The following RAB1A variants were observed in gnomAD, a reference collection of about 807,000 sequenced individuals.
The protein encoded by RAB1A is ras-related protein Rab-1A.
A neutral mutation model predicts 26.0 loss-of-function variants in RAB1A; 2 were observed. The ratio of observed to expected loss-of-function variants is 0.08; its 90% CI spans 0.03 to 0.24. The LOEUF is 0.24. Among genes scored for constraint, RAB1A ranks in the 10% least tolerant of loss-of-function variants. RAB1A has a pLI of 1.00. For missense variants in RAB1A, 100 were observed against 247.0 expected, an observed-to-expected ratio of 0.40 and a Z score of 3.99; for synonymous variants, 84 against 84.9, an observed-to-expected ratio of 0.99 and a Z score of 0.06.
chr2:65,093,408 A>G (rs895821097), intron 3 of RAB1A, among the ~76,000 whole-genome samples: 1 of 152,154 alleles, frequency 6.6e-6, no homozygotes, highest in Non-Finnish European at 1.5e-5. Context: ...GTACAACTGG[A>G]CTCAGTACCT....
intron 1 of RAB1A, among the ~76,000 whole-genome samples, chr2:65,123,690 G>T (rs1182731766): frequency 2.0e-5 from 3 of 151,866 alleles, no homozygotes; most frequent in Non-Finnish European, 4.4e-5. Flanking sequence ...GCCGGGTGTG[G>T]TGGCACACAC....
intron 4 of RAB1A, among the ~76,000 whole-genome samples, chr2:65,090,318 A>G (rs1305489133): frequency 6.6e-6 from 1 of 152,180 alleles, no homozygotes; most frequent in Non-Finnish European, 1.5e-5. Context: ...AATAAATTCC[A>G]ATTTTGAACG....
chr2:65,088,881 A>C, intron 5 of RAB1A, 58 bp downstream of exon 5: 1 of 1,519,990 alleles, frequency 6.6e-7, no homozygotes. Flanking sequence ...GTTACTGCAG[A>C]ACCCATACAT....
At chr2:65,088,870 T>C in intron 5 of RAB1A, 69 bp downstream of exon 5, 1 of 1,467,470 alleles carries the variant, frequency 6.8e-7, no homozygotes, top group Non-Finnish European at 9.2e-7. Flanking sequence ...GTGGCCTTAC[T>C]GTTACTGCAG....
chr2:65,118,116 G>A (rs922140459), intron 1 of RAB1A, among the ~76,000 whole-genome samples: 1 of 152,136 alleles, frequency 6.6e-6, no homozygotes, highest in East Asian at 1.9e-4. Context: ...CTGTCTGGTG[G>A]GAACTCAGTG....
chr2:65,102,579 C>T (rs1006792108), intron 2 of RAB1A, among the ~76,000 whole-genome samples: 3 of 150,678 alleles, frequency 2.0e-5, no homozygotes, highest in African/African-American at 7.3e-5. Flanking sequence ...GAAAATCTGT[C>T]AAATAGCCAA....
intron 3 of RAB1A, among the ~76,000 whole-genome samples, chr2:65,097,205 T>A (rs561698689): frequency 6.6e-6 from 1 of 152,198 alleles, no homozygotes; most frequent in South Asian, 2.1e-4. Context: ...CTCTGAAAAA[T>A]ACTGAGAGAT....
chr2:65,117,903 T>C (rs549808496), intron 1 of RAB1A, among the ~76,000 whole-genome samples: 16 of 152,166 alleles, frequency 1.1e-4, no homozygotes, highest in Non-Finnish European at 4.4e-5. Flanking sequence ...TAAGCACATG[T>C]AGTAAAGCAG....
chr2:65,120,749 A>C (rs1312514677), intron 1 of RAB1A, among the ~76,000 whole-genome samples: 1 of 152,200 alleles, frequency 6.6e-6, no homozygotes, highest in Non-Finnish European at 1.5e-5. Context: ...GTTAAATGTA[A>C]CAGTCCCAAA....
intron 1 of RAB1A, among the ~76,000 whole-genome samples, chr2:65,122,319 A>T (rs1315660892): frequency 6.6e-6 from 1 of 151,258 alleles, no homozygotes; most frequent in Non-Finnish European, 1.5e-5. Context: ...AAGCTGAGGC[A>T]GGTGGATCTC....
chr2:65,106,695 T>C (rs886465296), intron 1 of RAB1A, among the ~76,000 whole-genome samples: 5 of 45,278 alleles, frequency 1.1e-4, no homozygotes, highest in Admixed American at 9.3e-4. Flanking sequence ...GACTGAAGCA[T>C]AGAATGAACT....
rs1669074043 is a variant in RAB1A at position 65,087,933 on chromosome 2, A to T, written c.*560T>A. Reference sequence around the variant, plus strand: ...CATATCTTCAGTTGTTTTGTTACATAGTGTGCAACAAATTACAATATTCTG... The same window carrying T: ...CATATCTTCAGTTGTTTTGTTACATTGTGTGCAACAAATTACAATATTCTG... On this transcript the variant is annotated 3_prime_UTR_variant, in exon 6 of 6. Transcript: ENST00000409784. 1 of 152,786 alleles carries T rather than the reference A, an allele frequency of 6.5e-6. No homozygotes were observed. Among genetic ancestry groups the T allele is most frequent in the Admixed American group, 6.5e-5 (1 of 15,298 alleles). The allele number at this position is 152,786 out of a possible 1,614,324, so 9.5% of individuals were successfully genotyped here.
chr2:65,105,499 G>A (rs78935274), intron 1 of RAB1A: 2,788 of 67,448 alleles, frequency 0.041, 173 homozygotes, highest in East Asian at 0.34. Context: ...CAATAAGAAC[G>A]AAACTCTGTC....
At chr2:65,123,212 C>T (rs1254945459) in intron 1 of RAB1A, among the ~76,000 whole-genome samples, 1 of 148,756 alleles carries the variant, frequency 6.7e-6, no homozygotes, top group African/African-American at 2.5e-5. Flanking sequence ...GCTCTGTCGC[C>T]CAGGCTGGAG....
rs1367959633 is a variant in RAB1A at position 65,091,030 on chromosome 2, A to G, written c.241T>C (p.Tyr81His). 6.2e-7 allele frequency: 1 copy of G among 1,613,482 alleles called. No homozygotes were observed. The highest frequency in any genetic ancestry group is 8.5e-7 in the Non-Finnish European group (1 of 1,179,530). ...ERFRTITSSY[Y>H]RGAHGIIVVY... Reference sequence around the variant, plus strand: ...ACTATGATGCCATGGGCTCCTCTGTAATAACTGGAGGTGATTGTTCGAAAT... The same window carrying G: ...ACTATGATGCCATGGGCTCCTCTGTGATAACTGGAGGTGATTGTTCGAAAT... The change falls in exon 4 of 6, where the codon TAC becomes CAC. Residue 81 changes from tyrosine (Y) to histidine (H), a missense_variant. Physicochemically the swap from Tyr to His is moderately conservative, Grantham distance 83. Around this residue, in one of 2 missense-constraint regions of RAB1A, gnomAD observed 33 missense variants for 124.2 expected, o/e 0.27. Coordinates refer to ENST00000409784, the MANE Select transcript of RAB1A (RefSeq NM_004161.5).
intron 1 of RAB1A, among the ~76,000 whole-genome samples, chr2:65,113,840 G>A (rs1669759781): frequency 1.3e-5 from 2 of 152,228 alleles, no homozygotes; most frequent in Admixed American, 1.3e-4. Flanking sequence ...TGAGAGGCTG[G>A]AGCAGGAAGT....
At chr2:65,123,044 A>G (rs1354631467) in intron 1 of RAB1A, among the ~76,000 whole-genome samples, 1 of 151,392 alleles carries the variant, frequency 6.6e-6, no homozygotes, top group Non-Finnish European at 1.5e-5. Flanking sequence ...TTCAAACTAC[A>G]AATAGTGAAA....
chr2:65,103,944 A>G (rs7563866), intron 2 of RAB1A, among the ~76,000 whole-genome samples: 98,769 of 151,768 alleles, frequency 0.65, 32,413 homozygotes, highest in Non-Finnish European at 0.69. Context: ...ACACCCAGCT[A>G]ATTTTTTGTA....
intron 1 of RAB1A, among the ~76,000 whole-genome samples, chr2:65,122,548 T>C (rs1464675355): frequency 6.6e-6 from 1 of 151,984 alleles, no homozygotes; most frequent in Non-Finnish European, 1.5e-5. Context: ...CGTGACAGAG[T>C]AAGACCCTAT....
Sources: gnomAD v4.1 joint callset for allele counts (sites outside exome capture counted in the v4.1 genomes callset) on GRCh38, gnomAD v4.1.1 for gene constraint, gnomAD v4.1.1 regional missense constraint, MANE v1.5 for transcripts, NCBI Gene and HGNC (gene_info 2026-07-23, HGNC 2026-07-21) for gene names.